The following RAB27A variants were observed in gnomAD, a reference collection of about 807,000 sequenced individuals.
RAB27A encodes RAB27A, member RAS oncogene family, also known as ras-related protein Rab-27A.
Under a neutral mutation model 20.8 loss-of-function variants are expected in RAB27A, and 17 were observed. The ratio of observed to expected loss-of-function variants is 0.82; its 90% CI spans 0.56 to 1.23. The LOEUF is 1.23. RAB27A is among the 50% of genes most tolerant of loss of function. The pLI, the probability that RAB27A is intolerant of heterozygous loss-of-function variation, is 0.00. For synonymous variants in RAB27A, 85 were observed against 92.8 expected (o/e 0.92, Z 0.48); for missense variants, 277 against 266.7 (o/e 1.04, Z -0.27).
chr15:55,206,863 A>T (rs1313609984), intron 6 of RAB27A, among the ~76,000 whole-genome samples: 1 of 152,168 alleles, frequency 6.6e-6, no homozygotes, highest in Non-Finnish European at 1.5e-5. Flanking sequence ...GTGCCACAAC[A>T]TATATCATAA....
intron 6 of RAB27A, among the ~76,000 whole-genome samples, chr15:55,216,105 T>A (rs1413673930): frequency 6.6e-6 from 1 of 152,212 alleles, no homozygotes; most frequent in African/African-American, 2.4e-5. Flanking sequence ...CAGTATCTTC[T>A]TGTAATGATT....
At chr15:55,269,966 ACC>A (rs1897650994) in intron 2 of RAB27A, 197 bp downstream of exon 2, 1 of 152,198 alleles carries the variant, frequency 6.6e-6, no homozygotes, top group African/African-American at 2.4e-5. Flanking sequence ...CAGTATTCAT[ACC>A]CACTCCGTGG....
chr15:55,228,007 TAG>T (rs1895877504), intron 5 of RAB27A, among the ~76,000 whole-genome samples: 1 of 152,204 alleles, frequency 6.6e-6, no homozygotes, highest in African/African-American at 2.4e-5. Context: ...ACCAATCATT[TAG>T]GAGGTTAAAA....
At chr15:55,306,395 C>T (rs538235899) in intron 2 of RAB27A, among the ~76,000 whole-genome samples, 7 of 152,196 alleles carry the variant, frequency 4.6e-5, no homozygotes, top group Admixed American at 2.6e-4. Context: ...GCTTACCAGG[C>T]GAGTATGGGT....
chr15:55,310,766 C>T (rs1003627426), intron 2 of RAB27A, among the ~76,000 whole-genome samples: 3 of 152,140 alleles, frequency 2.0e-5, no homozygotes, highest in African/African-American at 4.8e-5. Context: ...CTAAGGCAGA[C>T]TTTTGAAGTT....
intron 2 of RAB27A, among the ~76,000 whole-genome samples, chr15:55,310,416 T>C (rs946933430): frequency 2.0e-5 from 3 of 152,226 alleles, no homozygotes; most frequent in Admixed American, 6.5e-5. Context: ...ATCTGGCTAG[T>C]GGCTTCTGAC....
chr15:55,228,917 G>A (rs1422802547), intron 4 of RAB27A, among the ~76,000 whole-genome samples: 2 of 152,204 alleles, frequency 1.3e-5, no homozygotes, highest in Non-Finnish European at 2.9e-5. Context: ...GAGGCTGCTG[G>A]AGAGGGATGA....
At chr15:55,317,039 T>A (rs1190255043) in intron 1 of RAB27A, 1 of 152,232 alleles carries the variant, frequency 6.6e-6, no homozygotes, top group Non-Finnish European at 1.5e-5. Flanking sequence ...CCCATGATAC[T>A]GCATATGCTG....
intron 2 of RAB27A, among the ~76,000 whole-genome samples, chr15:55,255,418 C>T (rs1484109595): frequency 6.6e-6 from 1 of 152,156 alleles, no homozygotes; most frequent in African/African-American, 2.4e-5. Flanking sequence ...GGTACAGTTG[C>T]ATATTTCCTG....
Position 55,230,398 on chromosome 15 carries a change from T to A in RAB27A, c.239+3A>T. 1 of 1,606,536 alleles carries A rather than the reference T, an allele frequency of 6.2e-7. No individual in the cohort carries two copies. The highest frequency in any genetic ancestry group is 1.3e-5 in the African/African-American group (1 of 74,856). ...AAGGAGCACATAACTGAAGATCTCATACCTCTCCTGCCCTGCTGTGTCCCA... is the reference window on the plus strand; with the variant it reads ...AAGGAGCACATAACTGAAGATCTCAAACCTCTCCTGCCCTGCTGTGTCCCA... On this transcript the variant is annotated splice_donor_region_variant and intron_variant, in intron 4 of 6. Transcript: ENST00000336787.
chr15:55,219,036 C>T lies in RAB27A; in HGVS notation c.467+4853G>A, dbSNP rs192505017. 3.9e-5 allele frequency among the ~76,000 whole-genome samples: 6 copies of T among 152,078 alleles called. No individual in the cohort carries two copies. In the East Asian group the frequency reaches 5.8e-4, roughly 15 times the overall value. ...GGATTACAGGCATGAGCCACCATGC[C>T]CAGCTTTAGATCATATTCACATTTT... On this transcript the variant is annotated intron_variant, in intron 6 of 6. Transcript: ENST00000336787.
At chr15:55,239,162 T>A (rs1896382006) in intron 2 of RAB27A, among the ~76,000 whole-genome samples, 1 of 152,210 alleles carries the variant, frequency 6.6e-6, no homozygotes, top group African/African-American at 2.4e-5. Flanking sequence ...ACAAATTAAA[T>A]CCACTTTCAA....
At position 55,314,011 on chromosome 15, in the gene RAB27A, T is replaced by C. The variant is rs58529973; in HGVS notation, c.-112+28A>G. 509 of 145,118 alleles carry C rather than the reference T, an allele frequency of 3.5e-3. 4 individuals are homozygous for C. The highest frequency in any genetic ancestry group is 0.013 in the African/African-American group (464 of 37,046). 9.0% of individuals were successfully genotyped at this position (145,118 alleles called of 1,614,324 possible). A position where few individuals can be genotyped will look rare whatever the true frequency, so the allele number is the denominator to read the frequency against. On this transcript the variant is annotated intron_variant, in intron 2 of 5. Coordinates refer to the RAB27A transcript ENST00000563262. The stretch of plus-strand genomic sequence containing the variant: ...ATAAATAAATAAATAAATAAATAAA[T>C]AAATAAACCGGGTGTGGTAGCAGGC...
chr15:55,295,465 T>C (rs543723342), intron 2 of RAB27A, among the ~76,000 whole-genome samples: 1 of 152,176 alleles, frequency 6.6e-6, no homozygotes, highest in South Asian at 2.1e-4. Context: ...CACCAAGGAA[T>C]GAATAAACAA....
intron 5 of RAB27A, among the ~76,000 whole-genome samples, chr15:55,226,627 T>C (rs1389699734): frequency 1.3e-5 from 2 of 152,072 alleles, no homozygotes; most frequent in Admixed American, 6.5e-5. Context: ...CCCAGCACTT[T>C]GGGAGGCTGA....
At chr15:55,311,103 C>T (rs529700087) in intron 2 of RAB27A, among the ~76,000 whole-genome samples, 2 of 152,308 alleles carry the variant, frequency 1.3e-5, no homozygotes, top group Admixed American at 1.3e-4. Context: ...TCTCTTTCCT[C>T]TGTTGTCACC....
chr15:55,227,789 A>G (rs1298120974), intron 5 of RAB27A, among the ~76,000 whole-genome samples: 1 of 152,200 alleles, frequency 6.6e-6, no homozygotes, highest in Non-Finnish European at 1.5e-5. Context: ...TCAAAACTAC[A>G]GCCAATTACC....
At chr15:55,293,494 C>T (rs964249071), upstream of RAB27A, among the ~76,000 whole-genome samples, 1 of 150,454 alleles carries the variant, frequency 6.6e-6, no homozygotes, top group African/African-American at 2.5e-5. Flanking sequence ...GAAAAGGAAA[C>T]TTTAAAAGTT....
chr15:55,290,629 C>G (rs1898284135), upstream of RAB27A, among the ~76,000 whole-genome samples: 1 of 152,240 alleles, frequency 6.6e-6, no homozygotes, highest in Non-Finnish European at 1.5e-5. Flanking sequence ...TGCCACCCAG[C>G]GGCTCTCTTC....
Sources: allele counts gnomAD v4.1 joint callset (sites outside exome capture counted in the v4.1 genomes callset), GRCh38; gene constraint gnomAD v4.1.1; transcripts MANE v1.5; gene names NCBI Gene and HGNC (gene_info 2026-07-23, HGNC 2026-07-21).